NUP210: variants seen among roughly 807,000 people sequenced by gnomAD.
NUP210 encodes the protein nuclear pore membrane glycoprotein 210.
Under a neutral mutation model 196.0 loss-of-function variants are expected in NUP210, and 151 were observed. The ratio of observed to expected loss-of-function variants is 0.77; its 90% confidence interval spans 0.67 to 0.88. The LOEUF (loss-of-function observed/expected upper bound fraction) is 0.88, where lower values mean the gene tolerates loss of function less well. Among genes scored for constraint, NUP210 ranks in the 40% least tolerant of loss-of-function variants. NUP210 has a pLI of 0.00. For missense variants in NUP210, 2,314 were observed against 2,493.7 expected, an observed-to-expected ratio of 0.93 and a Z score of 1.53; for synonymous variants, 1,070 against 1,052.7, an observed-to-expected ratio of 1.02 and a Z score of -0.32.
intron 1 of NUP210, among the ~76,000 whole-genome samples, chr3:13,404,392 T>C (rs570938342): frequency 6.6e-6 from 1 of 152,312 alleles, no homozygotes; most frequent in South Asian, 2.1e-4. Flanking sequence ...GCTTTATTTC[T>C]TTAAAAAAAG....
intron 12 of NUP210, 51 bp from the exon 13 acceptor site, chr3:13,372,083 G>C: frequency 6.8e-7 from 1 of 1,466,354 alleles, no homozygotes; most frequent in Non-Finnish European, 9.2e-7. Context: ...AGGAGAGGCA[G>C]GGCCTGTTGC....
intron 33 of NUP210, among the ~76,000 whole-genome samples, chr3:13,324,721 A>G (rs551886670): frequency 6.6e-6 from 1 of 152,154 alleles, no homozygotes; most frequent in Non-Finnish European, 1.5e-5. Flanking sequence ...GAGCTCCTCC[A>G]GGTGCCAGGT....
At chr3:13,327,075 T>C in intron 32 of NUP210, 142 bp downstream of exon 32, 4 of 652,692 alleles carry the variant, frequency 6.1e-6, no homozygotes, top group Non-Finnish European at 1.0e-5. Context: ...CGGGCAGCAG[T>C]TTTGGAGCAC....
chr3:13,409,370 G>A (rs1310325836), intron 1 of NUP210, among the ~76,000 whole-genome samples: 1 of 152,122 alleles, frequency 6.6e-6, no homozygotes, highest in East Asian at 1.9e-4. Flanking sequence ...TATAAAAGAG[G>A]TCCCACAGAG....
chr3:13,366,521 T>C (rs550718459), intron 13 of NUP210, among the ~76,000 whole-genome samples: 29 of 147,744 alleles, frequency 2.0e-4, no homozygotes, highest in East Asian at 6.0e-4. Context: ...TCTTTCTTTT[T>C]TTTTTTTTTT....
intron 1 of NUP210, 58 bp from the exon 2 acceptor site, chr3:13,399,919 G>A: frequency 1.3e-6 from 2 of 1,532,930 alleles, no homozygotes; most frequent in Non-Finnish European, 1.8e-6. Flanking sequence ...GCACAGTGGG[G>A]TCCAGACACC....
rs777686276 is a variant in NUP210, at chr3:13,371,920, G to A, written c.1700C>T (p.Ala567Val). The change falls in exon 13 of 40, where the codon GCC (alanine) becomes GTC (valine). Residue 567 changes from alanine to valine, a missense_variant. Ala to Val is a moderately conservative substitution (Grantham distance 64). Transcript: ENST00000254508. ...LRISGLMPGGASEVVTLSDCS... is the reference protein window; with the variant it reads ...LRISGLMPGGVSEVVTLSDCS... ...GTCGCTCAAGGTGACCACCTCACTG[G>A]CCCCGCCGGGCATGAGGCCACTGAT... 9 of 1,608,424 alleles carry A rather than the reference G, an allele frequency of 5.6e-6. No individual in the cohort carries two copies. The highest frequency in any genetic ancestry group is 7.6e-6 in the Non-Finnish European group (9 of 1,177,748).
At chr3:13,344,273 C>A (rs958155366) in intron 20 of NUP210, among the ~76,000 whole-genome samples, 6 of 152,212 alleles carry the variant, frequency 3.9e-5, no homozygotes, top group African/African-American at 1.4e-4. Flanking sequence ...GGCATTCACA[C>A]AAGTAACATG....
chr3:13,338,056 C>G (rs1328594941), intron 25 of NUP210, 139 bp from the exon 26 acceptor site: 2 of 750,988 alleles, frequency 2.7e-6, no homozygotes, highest in East Asian at 5.5e-5. Flanking sequence ...GCACCATGCT[C>G]CTCTGCCGAG....
rs139778967 is a variant in NUP210, at chr3:13,384,374, T to G, written c.817+1901A>C. Among the ~76,000 whole-genome samples, 175 of 152,352 alleles carry G rather than the reference T, an allele frequency of 1.1e-3. 7 individuals are homozygous for G. In the East Asian group the frequency reaches 0.031, roughly 27 times the overall value. On this transcript the variant is annotated intron_variant, in intron 6 of 39. Coordinates refer to ENST00000254508, the MANE Select transcript of NUP210 (RefSeq NM_024923.4). ...AAGGCCAAGGAGTCCAACAGTTTTG[T>G]GAGCTTCAGGTCTTCTATGCCTCAG...
At chr3:13,387,682 C>T (rs943530676) in intron 5 of NUP210, among the ~76,000 whole-genome samples, 10 of 152,210 alleles carry the variant, frequency 6.6e-5, no homozygotes, top group Non-Finnish European at 8.8e-5. Flanking sequence ...CAGCTCAAAA[C>T]GAGGCACTGG....
intron 12 of NUP210, 135 bp from the exon 13 acceptor site, chr3:13,372,167 G>A: frequency 1.2e-6 from 1 of 825,938 alleles, no homozygotes; most frequent in Non-Finnish European, 1.9e-6. Flanking sequence ...GGGCAGTGGG[G>A]TGATTCAGGG....
At chr3:13,401,191 G>A (rs1041592655) in intron 1 of NUP210, among the ~76,000 whole-genome samples, 11 of 2,372 alleles carry the variant, frequency 4.6e-3, no homozygotes, top group African/African-American at 0.021. Context: ...CCCGGCAGGC[G>A]GAGGCCTGCA....
Position 13,376,293 on chromosome 3 carries a change from G to A in NUP210, c.1291C>T (p.Gln431Ter). 1.2e-6 allele frequency: 2 copies of A among 1,613,458 alleles called. No individual in the cohort carries two copies. The highest frequency in any genetic ancestry group is 1.7e-6 in the Non-Finnish European group (2 of 1,180,008). ...ACGCAGGGGAGACACCAACTTGCCT[G>A]GTCCACCACAGAGGTGAGGGCCGCG... Reference protein sequence around the residue: ...IDAALTSVVDQDGGVHILQVP... With the variant: ...IDAALTSVVD Residue 431 changes from glutamine (Q) to a stop codon, truncating the protein, a stop_gained and splice_region_variant, in exon 10 of 40, where the codon CAG (glutamine) becomes TAG (stop). Coordinates refer to ENST00000254508, the MANE Select transcript of NUP210 (RefSeq NM_024923.4). LOFTEE classifies it high-confidence loss of function.
chr3:13,406,086 T>C (rs561129497), intron 1 of NUP210, among the ~76,000 whole-genome samples: 3 of 152,274 alleles, frequency 2.0e-5, no homozygotes, highest in African/African-American at 4.8e-5. Context: ...AATTCTAGTA[T>C]AGGTAGTACA....
At chr3:13,321,367 C>T (rs1696520548) in intron 36 of NUP210, among the ~76,000 whole-genome samples, 1 of 152,230 alleles carries the variant, frequency 6.6e-6, no homozygotes, top group Admixed American at 6.5e-5. Context: ...CTGGGGAAGA[C>T]CAGCAGCGGT....
Position 13,382,638 on chromosome 3 carries a change from T to C in NUP210, c.818-2917A>G, listed in dbSNP as rs186885255. Among the ~76,000 whole-genome samples, 66 of 152,232 alleles carry C rather than the reference T, an allele frequency of 4.3e-4. 1 individual carries two copies. In the East Asian group the frequency reaches 0.011, roughly 25 times the overall value. On this transcript the variant is annotated intron_variant, in intron 6 of 39. Coordinates refer to ENST00000254508, the MANE Select transcript of NUP210 (RefSeq NM_024923.4). The stretch of plus-strand genomic sequence containing the variant: ...AGGAAACCCAACAGAAAAGAAAATA[T>C]AAAGAGTTAATCTGCAGTTATAATT...
Position 13,399,832 on chromosome 3 carries a change from A to G in NUP210, c.197T>C (p.Ile66Thr), listed in dbSNP as rs997014139. 8 of 1,612,276 alleles carry G rather than the reference A, an allele frequency of 5.0e-6. No homozygotes were observed. The highest frequency in any genetic ancestry group is 6.8e-6 in the Non-Finnish European group (8 of 1,179,256). The change falls in exon 2 of 40, where the codon ATC becomes ACC. Residue 66 changes from isoleucine to threonine, a missense_variant. By Grantham distance (89) the Ile-to-Thr change is moderately conservative. Coordinates refer to ENST00000254508, the MANE Select transcript of NUP210 (RefSeq NM_024923.4). ...CTGCTCGTCCAGGCCCAGCGGCTCG[A>G]TGCTGGCCACCTCCGGCCGGGTGGA... is the stretch of plus-strand genomic sequence containing the variant. ...WLSTRPEVAS[I>T]EPLGLDEQQC... is the part of the protein sequence containing the mutation.
At chr3:13,400,909 C>T (rs1408645408) in intron 1 of NUP210, among the ~76,000 whole-genome samples, 2 of 145,412 alleles carry the variant, frequency 1.4e-5, no homozygotes, top group Non-Finnish European at 3.0e-5. Flanking sequence ...ACTGGAACAT[C>T]CACAGCCACG....
Sources: gnomAD v4.1 joint callset for allele counts (sites outside exome capture counted in the v4.1 genomes callset) on GRCh38, gnomAD v4.1.1 for gene constraint, MANE v1.5 for transcripts, NCBI Gene and HGNC (gene_info 2026-07-23, HGNC 2026-07-21) for gene names.